The following SLC16A4 variants were observed in gnomAD, a reference collection of about 807,000 sequenced individuals.
The protein encoded by SLC16A4 is solute carrier family 16 member 4.
A neutral mutation model predicts 47.9 loss-of-function variants in SLC16A4; 39 were observed. The observed-to-expected ratio is 0.81, with a 90% CI of 0.63 to 1.06. The LOEUF is 1.06. Ranked by LOEUF, SLC16A4 falls within the 50% of genes least tolerant of loss-of-function variation. The probability of loss-of-function intolerance (pLI) is 0.00; values close to 1 mark genes in which losing one functional copy is unlikely to be tolerated. For missense variants in SLC16A4, 524 were observed against 573.8 expected (o/e 0.91, Z 0.89); for synonymous variants, 189 against 199.9 (o/e 0.95, Z 0.46).
intron 8 of SLC16A4, among the ~76,000 whole-genome samples, chr1:110,365,465 C>T (rs1044007098): frequency 6.6e-6 from 1 of 152,140 alleles, no homozygotes; most frequent in African/African-American, 2.4e-5. Context: ...TGTTTTATAA[C>T]CTCTTAAGTT....
In SLC16A4 at chr1:110,380,058, C is replaced by CAAAAAAAAAAAAAAAAAAAAAAAA. The variant is rs542273389; in HGVS notation, c.527-703_527-702insTTTTTTTTTTTTTTTTTTTTTTTT. Among the ~76,000 whole-genome samples the CAAAAAAAAAAAAAAAAAAAAAAAA allele has an allele frequency of 9.6e-4, 92 of 96,214 alleles. 1 individual carries two copies. Among genetic ancestry groups the CAAAAAAAAAAAAAAAAAAAAAAAA allele is most frequent in the East Asian group, 1.5e-3 (3 of 1,936 alleles). The allele number at this position is 96,214 out of a possible 152,430, so 63.1% of individuals were successfully genotyped here. ...AATGACAAAGCGAGAGAGCCTGTCT[C>CAAAAAAAAAAAAAAAAAAAAAAAA]AAAAAAAAAAAAAAAGCAGCGGGAG... On this transcript the variant is annotated intron_variant, in intron 5 of 8. Coordinates refer to ENST00000369779, the MANE Select transcript of SLC16A4 (RefSeq NM_004696.3).
chr1:110,365,009 G>A (rs1269050956), intron 8 of SLC16A4, among the ~76,000 whole-genome samples: 2 of 151,772 alleles, frequency 1.3e-5, no homozygotes, highest in African/African-American at 2.4e-5. Flanking sequence ...GTATTATCAT[G>A]ACAATAATTT....
intron 2 of SLC16A4, 28 bp downstream of exon 2, chr1:110,389,209 G>A: frequency 1.3e-6 from 2 of 1,573,618 alleles, no homozygotes; most frequent in South Asian, 2.2e-5. Flanking sequence ...TTAGGCAATA[G>A]GAAAGGGGGA....
intron 4 of SLC16A4, 21 bp from the exon 5 acceptor site, chr1:110,381,164 TTTAG>T (rs1662358456): frequency 1.2e-6 from 2 of 1,610,234 alleles, no homozygotes; most frequent in Non-Finnish European, 1.7e-6. Context: ...AACGTAATAG[TTTAG>T]AATCACTCTT....
chr1:110,362,926 CAAAG>C lies in SLC16A4; in HGVS notation c.*836_*839del, dbSNP rs933025955. 1.2e-4 allele frequency: 19 copies of C among 152,008 alleles called. No homozygotes were observed. The highest frequency in any genetic ancestry group is 4.3e-4 in the African/African-American group (18 of 41,462). 9.4% of individuals were successfully genotyped at this position (152,008 alleles called of 1,614,324 possible). A position where few individuals can be genotyped will look rare whatever the true frequency, so the allele number is the denominator to read the frequency against. On this transcript the variant is annotated 3_prime_UTR_variant, in exon 9 of 9. Coordinates refer to ENST00000369779, the MANE Select transcript of SLC16A4 (RefSeq NM_004696.3). ...TAGAAATTTAAGAACCTAAGTAATA[CAAAG>C]AAAGTAAGGATTACCTTTAATTAAG...
At chr1:110,372,334 A>G (rs902577535) in intron 8 of SLC16A4, 1 of 152,212 alleles carries the variant, frequency 6.6e-6, no homozygotes, top group Non-Finnish European at 1.5e-5. Flanking sequence ...CAATTTGGTA[A>G]TAACAGATTT....
rs1325149600 is a variant in SLC16A4, at chr1:110,379,092, T to C, written c.791A>G (p.Asn264Ser). ...TAACAGTCTGTTCCTGTTAGGCCCA[T>C]TGTAGAACTCTTCACTTTGATTTTG... ...VSQNQSEEFY[N>S]GPNRNRLLLK... The change falls in exon 6 of 9, where the codon AAT (asparagine) becomes AGT (serine). Residue 264 changes from asparagine to serine, a missense_variant. Coordinates refer to ENST00000369779, the MANE Select transcript of SLC16A4 (RefSeq NM_004696.3). 6 of 1,614,104 alleles carry C rather than the reference T, an allele frequency of 3.7e-6. No homozygotes were observed. Among genetic ancestry groups the C allele is most frequent in the African/African-American group, 2.7e-5 (2 of 74,936 alleles).
intron 5 of SLC16A4, among the ~76,000 whole-genome samples, chr1:110,380,260 C>T (rs1052604190): frequency 1.3e-5 from 2 of 152,026 alleles, no homozygotes; most frequent in African/African-American, 4.8e-5. Context: ...TTCTGCTATC[C>T]TATCATGGAT....
intron 8 of SLC16A4, chr1:110,375,130 C>CA (rs1661914976): frequency 1.7e-5 from 3 of 176,162 alleles, no homozygotes; most frequent in African/African-American, 8.3e-5. Flanking sequence ...TTGCTCCCAG[C>CA]CTTTTTTTTT....
At chr1:110,375,423 A>G in intron 8 of SLC16A4, 35 bp downstream of exon 8, 1 of 1,178,166 alleles carries the variant, frequency 8.5e-7, no homozygotes, top group Non-Finnish European at 1.3e-6. Context: ...TTTTATTGCT[A>G]TTGAAATTTG....
intron 8 of SLC16A4, among the ~76,000 whole-genome samples, chr1:110,368,468 T>G (rs1661512185): frequency 6.6e-6 from 1 of 152,254 alleles, no homozygotes; most frequent in Admixed American, 6.5e-5. Context: ...TTACCTGAGA[T>G]GCATGTTAAT....
chr1:110,364,058 C>T (rs778683173), intron 8 of SLC16A4, 165 bp from the exon 9 acceptor site: 8 of 568,028 alleles, frequency 1.4e-5, no homozygotes, highest in Admixed American at 7.2e-5. Context: ...GAATCAGCTC[C>T]ACCTGAGTTA....
rs373390661 is a variant in SLC16A4 at position 110,380,044 on chromosome 1, G to A, written c.527-688C>T. Among the ~76,000 whole-genome samples, 17 of 105,726 alleles carry A rather than the reference G, an allele frequency of 1.6e-4. No homozygotes were observed. In the South Asian group the frequency reaches 1.6e-3, roughly 10 times the overall value. 69.4% of individuals were successfully genotyped at this position (105,726 alleles called of 152,430 possible). A position where few individuals can be genotyped will look rare whatever the true frequency, so the allele number is the denominator to read the frequency against. ...AGCACTCCAGCCTGAATGACAAAGC[G>A]AGAGAGCCTGTCTCAAAAAAAAAAA... On this transcript the variant is annotated intron_variant, in intron 5 of 8. Coordinates refer to ENST00000369779, the MANE Select transcript of SLC16A4 (RefSeq NM_004696.3).
chr1:110,388,541 ATCACCC>A (rs1227615274), intron 2 of SLC16A4, among the ~76,000 whole-genome samples: 1 of 152,124 alleles, frequency 6.6e-6, no homozygotes, highest in Non-Finnish European at 1.5e-5. Flanking sequence ...AACTGGGGAG[ATCACCC>A]CCAGAGCACT....
At position 110,374,009 on chromosome 1, in the gene SLC16A4, A is replaced by ATATATATATATATATATATATATCCT. The variant is rs766941005; in HGVS notation, c.1336+1448_1336+1449insAGGATATATATATATATATATATATA. On this transcript the variant is annotated intron_variant, in intron 8 of 8. Coordinates refer to ENST00000369779, the MANE Select transcript of SLC16A4 (RefSeq NM_004696.3). Reference sequence around the variant, plus strand: ...TAACAATTCTTGTTATCCTTAGTTTATAGTCTCCTTCTTTTAATATTTACT... The same window carrying ATATATATATATATATATATATATCCT: ...TAACAATTCTTGTTATCCTTAGTTTATATATATATATATATATATATATCCTTAGTCTCCTTCTTTTAATATTTACT... 2.3e-3 allele frequency among the ~76,000 whole-genome samples: 349 copies of ATATATATATATATATATATATATCCT among 150,422 alleles called. 1 individual carries two copies. Among genetic ancestry groups the ATATATATATATATATATATATATCCT allele is most frequent in the South Asian group, 0.016 (75 of 4,686 alleles).
Position 110,379,133 on chromosome 1 carries a change from T to C in SLC16A4, c.750A>G (p.Lys250=), listed in dbSNP as rs756143803. 6.2e-7 allele frequency: 1 copy of C among 1,614,242 alleles called. No individual in the cohort carries two copies. The highest frequency in any genetic ancestry group is 8.5e-7 in the Non-Finnish European group (1 of 1,180,032). The change falls in exon 6 of 9, where the codon AAA becomes AAG. Residue 250 remains lysine (K), a synonymous_variant. Coordinates refer to ENST00000369779, the MANE Select transcript of SLC16A4 (RefSeq NM_004696.3). ...TTTGATTTTGTGAGACTGTTAAATTTTTGCTAGGTAGTCCAGCCTTCTGCG... is the reference window on the plus strand; with the variant it reads ...TTTGATTTTGTGAGACTGTTAAATTCTTGCTAGGTAGTCCAGCCTTCTGCG... ...STTQKAGLPS[K]NLTVSQNQSE...
chr1:110,383,794 G>A (rs1017818911), intron 2 of SLC16A4, among the ~76,000 whole-genome samples: 1 of 100,626 alleles, frequency 9.9e-6, no homozygotes, highest in African/African-American at 3.8e-5. Flanking sequence ...GGAAAGGGCT[G>A]TTAAAAGGAG....
At chr1:110,387,160 T>C (rs1264253687) in intron 2 of SLC16A4, among the ~76,000 whole-genome samples, 5 of 152,188 alleles carry the variant, frequency 3.3e-5, no homozygotes, top group African/African-American at 1.2e-4. Flanking sequence ...CAACAGTATT[T>C]TACTGAGTGC....
chr1:110,376,880 T>C (rs1223397458), intron 7 of SLC16A4, 70 bp downstream of exon 7: 2 of 1,243,572 alleles, frequency 1.6e-6, no homozygotes, highest in African/African-American at 3.0e-5. Context: ...AATACGTATT[T>C]TGGGGAGATT....
Sources: gnomAD v4.1 joint callset for allele counts (sites outside exome capture counted in the v4.1 genomes callset) on GRCh38, gnomAD v4.1.1 for gene constraint, MANE v1.5 for transcripts, NCBI Gene and HGNC (gene_info 2026-07-23, HGNC 2026-07-21) for gene names.